EPB41L4A: variants seen among roughly 807,000 people sequenced by gnomAD.
EPB41L4A encodes the protein band 4.1-like protein 4A.
Under a neutral mutation model 108.6 loss-of-function variants are expected in EPB41L4A, and 100 were observed. That is an observed-to-expected ratio of 0.92 (90% CI 0.78 to 1.09). The LOEUF (loss-of-function observed/expected upper bound fraction) is 1.09. EPB41L4A is among the 50% of genes least tolerant of loss of function. The pLI is 0.00. For missense variants in EPB41L4A, 1,030 were observed against 842.7 expected (o/e 1.22, Z -2.75); for synonymous variants, 319 against 289.0 (o/e 1.10, Z -1.05).
At chr5:112,329,450 A>C (rs1756406998) in intron 1 of EPB41L4A, among the ~76,000 whole-genome samples, 1 of 152,128 alleles carries the variant, frequency 6.6e-6, no homozygotes, top group Non-Finnish European at 1.5e-5. Flanking sequence ...AACCCTCCCT[A>C]TTTAGTCCTG....
intron 4 of EPB41L4A, among the ~76,000 whole-genome samples, chr5:112,273,485 T>C (rs1035787095): frequency 6.6e-6 from 1 of 152,192 alleles, no homozygotes; most frequent in African/African-American, 2.4e-5. Flanking sequence ...AACTCAAGTA[T>C]TTTTGGACCC....
chr5:112,289,580 T>C (rs547534875), intron 2 of EPB41L4A, among the ~76,000 whole-genome samples: 1 of 152,216 alleles, frequency 6.6e-6, no homozygotes, highest in Non-Finnish European at 1.5e-5. Flanking sequence ...ATGCTCCTTC[T>C]GGTATCCTTC....
intron 12 of EPB41L4A, among the ~76,000 whole-genome samples, chr5:112,156,079 T>C (rs1441714857): frequency 6.6e-6 from 1 of 151,934 alleles, no homozygotes; most frequent in Non-Finnish European, 1.5e-5. Flanking sequence ...TGGTTTAATA[T>C]CAGAAAATGT....
intron 2 of EPB41L4A, among the ~76,000 whole-genome samples, chr5:112,282,182 G>T (rs1234884225): frequency 1.3e-5 from 2 of 152,138 alleles, no homozygotes; most frequent in African/African-American, 4.8e-5. Context: ...ATGATCCCCA[G>T]GGAAAGTGTA....
intron 1 of EPB41L4A, among the ~76,000 whole-genome samples, chr5:112,405,877 C>T (rs896689874): frequency 2.0e-5 from 3 of 152,200 alleles, no homozygotes; most frequent in African/African-American, 7.2e-5. Context: ...TAAACTTCTA[C>T]AGGCAAGAGT....
At chr5:112,284,226 A>G (rs1472640478) in intron 2 of EPB41L4A, among the ~76,000 whole-genome samples, 1 of 152,134 alleles carries the variant, frequency 6.6e-6, no homozygotes, top group East Asian at 1.9e-4. Flanking sequence ...AGGAGCAGAG[A>G]GCTGAGAATC....
chr5:112,200,818 G>A (rs1762182631), intron 15 of EPB41L4A, among the ~76,000 whole-genome samples: 1 of 152,090 alleles, frequency 6.6e-6, no homozygotes, highest in Admixed American at 6.5e-5. Context: ...AGATCTCAGA[G>A]GGTAGTACCA....
At chr5:112,311,671 G>A (rs1382782396) in intron 1 of EPB41L4A, among the ~76,000 whole-genome samples, 3 of 152,130 alleles carry the variant, frequency 2.0e-5, no homozygotes, top group Non-Finnish European at 4.4e-5. Context: ...TCGCACTGCT[G>A]CACCCCAGCC....
chr5:112,178,824 T>G (rs534278803), intron 18 of EPB41L4A, among the ~76,000 whole-genome samples: 1 of 151,830 alleles, frequency 6.6e-6, no homozygotes, highest in South Asian at 2.1e-4. Context: ...TAGAAAGGTT[T>G]AAAATAAATG....
intron 15 of EPB41L4A, among the ~76,000 whole-genome samples, chr5:112,203,412 G>T (rs1374484414): frequency 6.6e-6 from 1 of 152,044 alleles, no homozygotes; most frequent in Non-Finnish European, 1.5e-5. Flanking sequence ...TTTATACAAT[G>T]CCAATTATGT....
chr5:112,400,362 G>C (rs1761663534), intron 1 of EPB41L4A, among the ~76,000 whole-genome samples: 1 of 152,134 alleles, frequency 6.6e-6, no homozygotes, highest in South Asian at 2.1e-4. Flanking sequence ...TAGGGACACA[G>C]AGCCAAACCA....
At chr5:112,264,303 A>C (rs1366855072) in intron 6 of EPB41L4A, 1 of 152,238 alleles carries the variant, frequency 6.6e-6, no homozygotes, top group Non-Finnish European at 1.5e-5. Context: ...ACTCTCAGAA[A>C]TGCATGCAGT....
intron 12 of EPB41L4A, among the ~76,000 whole-genome samples, chr5:112,157,380 G>A (rs764746163): frequency 7.2e-5 from 11 of 152,218 alleles, no homozygotes; most frequent in South Asian, 2.1e-4. Flanking sequence ...AAATGGTGGA[G>A]TAACAAATAA....
chr5:112,177,439 A>G (rs1305155829), intron 18 of EPB41L4A, among the ~76,000 whole-genome samples: 1 of 152,212 alleles, frequency 6.6e-6, no homozygotes, highest in African/African-American at 2.4e-5. Flanking sequence ...TCAACTGATT[A>G]ACAACAGCCT....
intron 14 of EPB41L4A, 73 bp from the exon 15 acceptor site, chr5:112,204,561 A>G (rs1762379420): frequency 3.3e-6 from 3 of 900,072 alleles, no homozygotes; most frequent in Non-Finnish European, 5.5e-6. Flanking sequence ...GCCCAGACCT[A>G]TTCATAACTG....
chr5:112,165,815 ATTTG>A (rs1760209887), intron 22 of EPB41L4A, among the ~76,000 whole-genome samples: 1 of 152,158 alleles, frequency 6.6e-6, no homozygotes, highest in Non-Finnish European at 1.5e-5. Flanking sequence ...CTATTTTGAG[ATTTG>A]TTTGAGCTAA....
rs1020735841 is a variant in EPB41L4A, at chr5:112,266,414, A to C, written c.336-84T>G. 11 of 872,384 alleles carry C rather than the reference A, an allele frequency of 1.3e-5. No individual in the cohort carries two copies. The Admixed American group carries it at 3.2e-4, about 25-fold the overall frequency. 54.0% of individuals were successfully genotyped at this position (872,384 alleles called of 1,614,324 possible). A position where few individuals can be genotyped will look rare whatever the true frequency, so the allele number is the denominator to read the frequency against. ...TCGGACCCTGATAATCAAGGTTAAC[A>C]ACCAATCACCTTCAATTAAAATAAA... On this transcript the variant is annotated intron_variant, in intron 4 of 22. Transcript: ENST00000261486.
At chr5:112,341,965 G>A (rs1757350988) in intron 1 of EPB41L4A, among the ~76,000 whole-genome samples, 1 of 152,040 alleles carries the variant, frequency 6.6e-6, no homozygotes, top group Non-Finnish European at 1.5e-5. Flanking sequence ...TAAATGTGGG[G>A]AAATTTCTTC....
intron 1 of EPB41L4A, among the ~76,000 whole-genome samples, chr5:112,411,098 T>TA (rs777200124): frequency 6.6e-6 from 1 of 152,152 alleles, no homozygotes; most frequent in South Asian, 2.1e-4. Context: ...TCTTTACTGA[T>TA]AGAGTGTGAG....
Sources: allele counts gnomAD v4.1 joint callset (sites outside exome capture counted in the v4.1 genomes callset), GRCh38; gene constraint gnomAD v4.1.1; transcripts MANE v1.5; gene names NCBI Gene and HGNC (gene_info 2026-07-23, HGNC 2026-07-21).